DNAAF11: variants seen among roughly 807,000 people sequenced by gnomAD.
DNAAF11 encodes dynein axonemal assembly factor 11.
A neutral mutation model predicts 60.8 loss-of-function variants in DNAAF11; 45 were observed. The observed-to-expected ratio is 0.74, with a 90% CI of 0.58 to 0.95. The LOEUF (loss-of-function observed/expected upper bound fraction) is 0.95, where lower values mean the gene tolerates loss of function less well. DNAAF11 is among the 40% of genes least tolerant of loss of function. The pLI is 0.00. For missense variants in DNAAF11, 546 were observed against 546.2 expected (o/e 1.00, Z 0.00); for synonymous variants, 191 against 183.5 (o/e 1.04, Z -0.33).
At chr8:132,586,267 A>G (rs1304612251) in intron 10 of DNAAF11, among the ~76,000 whole-genome samples, 2 of 152,160 alleles carry the variant, frequency 1.3e-5, no homozygotes, top group Non-Finnish European at 2.9e-5. Flanking sequence ...TCTGTTTTTC[A>G]ATATTTCCTA....
intron 1 of DNAAF11, among the ~76,000 whole-genome samples, chr8:132,667,357 C>T (rs1215447705): frequency 6.6e-6 from 1 of 152,140 alleles, no homozygotes; most frequent in Non-Finnish European, 1.5e-5. Context: ...AAGCCCTTAG[C>T]ACAGTGCCTG....
At chr8:132,691,388 G>A in the DNAAF11 span, among the ~76,000 whole-genome samples, 1 of 152,220 alleles carries the variant, frequency 6.6e-6, no homozygotes, top group East Asian at 1.9e-4. Flanking sequence ...GGCACTACAA[G>A]ACAGCCCAGG....
chr8:132,619,688 A>G (rs1369905735), intron 7 of DNAAF11, among the ~76,000 whole-genome samples: 1 of 152,238 alleles, frequency 6.6e-6, no homozygotes, highest in African/African-American at 2.4e-5. Context: ...GGCTGGAAGG[A>G]AAACCAGGGG....
At chr8:132,679,371 T>A (rs1356821374), upstream of DNAAF11, among the ~76,000 whole-genome samples, 1 of 152,208 alleles carries the variant, frequency 6.6e-6, no homozygotes, top group Admixed American at 6.5e-5. Flanking sequence ...CTGTCTTTGG[T>A]GTAAGGCCTA....
chr8:132,661,987 T>G lies in DNAAF11; in HGVS notation c.11-360A>C, dbSNP rs1442022662. 3.3e-5 allele frequency among the ~76,000 whole-genome samples: 5 copies of G among 152,300 alleles called. No homozygotes were observed. The East Asian group carries it at 9.7e-4, about 29-fold the overall frequency. ...GTTAAAATGGATGAGATCCACTAAC[T>G]AATCTGAGACAGAGCAACTTGCTAC... On this transcript the variant is annotated intron_variant, in intron 1 of 11. Coordinates refer to ENST00000620350, the MANE Select transcript of DNAAF11 (RefSeq NM_012472.6).
chr8:132,633,642 TACCTTACATGGC>T (rs1276973368), intron 4 of DNAAF11, among the ~76,000 whole-genome samples: 1 of 152,200 alleles, frequency 6.6e-6, no homozygotes, highest in Non-Finnish European at 1.5e-5. Flanking sequence ...CCATGAATGT[TACCTTACATGGC>T]AAAAGGGGCT....
chr8:132,700,818 G>A, the DNAAF11 span, among the ~76,000 whole-genome samples: 1 of 152,210 alleles, frequency 6.6e-6, no homozygotes, highest in Non-Finnish European at 1.5e-5. Flanking sequence ...CTGAGGAGGA[G>A]TGATTGCCCA....
chr8:132,635,217 T>C (rs1821175796), intron 4 of DNAAF11, among the ~76,000 whole-genome samples: 3 of 152,112 alleles, frequency 2.0e-5, no homozygotes. Context: ...GGCCTAAGAA[T>C]CAGAGATCCA....
At chr8:132,693,262 C>A in the DNAAF11 span, among the ~76,000 whole-genome samples, 196 of 152,200 alleles carry the variant, frequency 1.3e-3, 3 homozygotes, top group East Asian at 0.037. Flanking sequence ...GAACAAAAGA[C>A]AACGGAAAAA....
chr8:132,652,921 C>T (rs957982557), intron 3 of DNAAF11, among the ~76,000 whole-genome samples: 2 of 151,668 alleles, frequency 1.3e-5, no homozygotes, highest in Non-Finnish European at 2.9e-5. Context: ...GCGCATGTAC[C>T]CAGAACTTCA....
chr8:132,672,301 C>T (rs1825263982), intron 1 of DNAAF11, among the ~76,000 whole-genome samples: 1 of 152,126 alleles, frequency 6.6e-6, no homozygotes, highest in Admixed American at 6.5e-5. Context: ...AATCACAACA[C>T]ACACCAGATT....
the DNAAF11 span, among the ~76,000 whole-genome samples, chr8:132,702,661 T>C: frequency 6.6e-6 from 1 of 152,236 alleles, no homozygotes; most frequent in Non-Finnish European, 1.5e-5. Context: ...TTAAGCATTT[T>C]GCCTGCATGA....
At chr8:132,608,126 G>C (rs1818302025) in intron 10 of DNAAF11, among the ~76,000 whole-genome samples, 1 of 152,038 alleles carries the variant, frequency 6.6e-6, no homozygotes, top group Admixed American at 6.6e-5. Flanking sequence ...TGGTTTTTAA[G>C]ATCCTTGCAA....
intron 10 of DNAAF11, among the ~76,000 whole-genome samples, chr8:132,598,051 T>G (rs1179437200): frequency 6.6e-6 from 1 of 152,216 alleles, no homozygotes; most frequent in Non-Finnish European, 1.5e-5. Flanking sequence ...TTGTGTTCAT[T>G]TGGAAACATA....
chr8:132,623,043 C>T (rs1819916293), intron 6 of DNAAF11, among the ~76,000 whole-genome samples: 1 of 152,142 alleles, frequency 6.6e-6, no homozygotes, highest in Non-Finnish European at 1.5e-5. Flanking sequence ...TGTCAACTCT[C>T]CATTTGTGCA....
chr8:132,619,012 G>A (rs35114956), intron 7 of DNAAF11, among the ~76,000 whole-genome samples: 4,912 of 151,954 alleles, frequency 0.032, 115 homozygotes, highest in South Asian at 0.057. Flanking sequence ...TGTTTATTGC[G>A]GCACTATTCA....
At chr8:132,603,493 T>C (rs1025732083) in intron 10 of DNAAF11, among the ~76,000 whole-genome samples, 1 of 151,144 alleles carries the variant, frequency 6.6e-6, no homozygotes, top group Non-Finnish European at 1.5e-5. Flanking sequence ...GTATAAGGGA[T>C]AAAAAGCCTA....
the DNAAF11 span, among the ~76,000 whole-genome samples, chr8:132,680,745 C>T: frequency 6.6e-6 from 1 of 151,354 alleles, no homozygotes; most frequent in South Asian, 2.1e-4. Flanking sequence ...TTTACCCTCC[C>T]TTCTTTCCTT....
At chr8:132,601,756 A>G (rs1421887177) in intron 10 of DNAAF11, among the ~76,000 whole-genome samples, 1 of 152,018 alleles carries the variant, frequency 6.6e-6, no homozygotes, top group East Asian at 1.9e-4. Context: ...GGAACATCAC[A>G]TACCGGGGCC....
Sources: allele counts gnomAD v4.1 joint callset (sites outside exome capture counted in the v4.1 genomes callset), GRCh38; gene constraint gnomAD v4.1.1; transcripts MANE v1.5; gene names NCBI Gene and HGNC (gene_info 2026-07-23, HGNC 2026-07-21).